TOP1MT: variants seen among roughly 807,000 people sequenced by gnomAD.
TOP1MT encodes the protein DNA topoisomerase I, mitochondrial.
In TOP1MT, 80 loss-of-function variants were observed where a neutral mutation model predicts 73.9. That is an observed-to-expected ratio of 1.08 (90% CI 0.90 to 1.30). TOP1MT has a LOEUF of 1.30. Among genes scored for constraint, TOP1MT ranks in the 50% most tolerant of loss-of-function variants. The pLI is 0.00. For synonymous variants in TOP1MT, 338 were observed against 326.4 expected, an observed-to-expected ratio of 1.04 and a Z score of -0.38; for missense variants, 815 against 808.0, an observed-to-expected ratio of 1.01 and a Z score of -0.10.
Position 143,325,550 on chromosome 8 carries a change from G to T in TOP1MT, c.484-17C>A, listed in dbSNP as rs761441238. On this transcript the variant is annotated splice_polypyrimidine_tract_variant and intron_variant, in intron 4 of 13. Coordinates refer to ENST00000329245, the MANE Select transcript of TOP1MT (RefSeq NM_052963.3). ...TTTTAGCTTCTGAGTTAATAAAACAGTCAGTGGACATTAGCAGTGAAGAGA... is the reference window on the plus strand; with the variant it reads ...TTTTAGCTTCTGAGTTAATAAAACATTCAGTGGACATTAGCAGTGAAGAGA... 6.3e-7 allele frequency: 1 copy of T among 1,599,840 alleles called. No homozygotes were observed. Among genetic ancestry groups the T allele is most frequent in the South Asian group, 1.1e-5 (1 of 90,774 alleles).
At chr8:143,339,552 T>C (rs558455287), upstream of TOP1MT, among the ~76,000 whole-genome samples, 4 of 149,628 alleles carry the variant, frequency 2.7e-5, no homozygotes, top group South Asian at 2.1e-4. Context: ...AACACTCACT[T>C]ACTGCTGGCT....
At chr8:143,339,507 G>T (rs1817037561), upstream of TOP1MT, among the ~76,000 whole-genome samples, 1 of 152,126 alleles carries the variant, frequency 6.6e-6, no homozygotes, top group South Asian at 2.1e-4. Context: ...CTACTTCATA[G>T]AGGACTGACC....
chr8:143,322,895 ACGCACGC>A (rs1816537636), intron 7 of TOP1MT, among the ~76,000 whole-genome samples: 4 of 117,288 alleles, frequency 3.4e-5, no homozygotes, highest in South Asian at 3.2e-4. Flanking sequence ...CGCACGCCAC[ACGCACGC>A]CACACACGCA....
rs140622943 is a variant in TOP1MT, at chr8:143,343,324, G to A, written c.-38-38C>T. Reference sequence around the variant, plus strand: ...TGTATACATAAACATGCAGCTCTGCGGCTCATTTAGGGTTGCCATTCTAAC... The same window carrying A: ...TGTATACATAAACATGCAGCTCTGCAGCTCATTTAGGGTTGCCATTCTAAC... On this transcript the variant is annotated intron_variant, in intron 1 of 5. Coordinates refer to the TOP1MT transcript ENST00000518007. The A allele has an allele frequency of 9.7e-3, 4,403 of 453,714 alleles. 44 individuals carry two copies. The highest frequency in any genetic ancestry group is 0.013 in the Non-Finnish European group (2,912 of 225,040). The allele number at this position is 453,714 out of a possible 1,614,324, so 28.1% of individuals were successfully genotyped here.
chr8:143,322,662 G>GCACGCCACA (rs1563759824), intron 7 of TOP1MT, among the ~76,000 whole-genome samples: 1 of 72,088 alleles, frequency 1.4e-5, no homozygotes, highest in Non-Finnish European at 2.5e-5. Context: ...CACCACACAC[G>GCACGCCACA]CACGCCACAC....
intron 8 of TOP1MT, among the ~76,000 whole-genome samples, chr8:143,318,578 C>T (rs1423029477): frequency 6.6e-6 from 1 of 152,208 alleles, no homozygotes; most frequent in Non-Finnish European, 1.5e-5. Context: ...TGCACCCATG[C>T]CTGCCCTCCC....
chr8:143,322,519 A>AACAAGCACGCCAC (rs1816480804), intron 7 of TOP1MT, among the ~76,000 whole-genome samples: 1 of 76,022 alleles, frequency 1.3e-5, no homozygotes, highest in African/African-American at 5.2e-5. Flanking sequence ...CACGCCACAC[A>AACAAGCACGCCAC]ACAGGCACGC....
At chr8:143,325,758 G>A (rs1816690364) in intron 4 of TOP1MT, among the ~76,000 whole-genome samples, 1 of 152,130 alleles carries the variant, frequency 6.6e-6, no homozygotes, top group South Asian at 2.1e-4. Flanking sequence ...GGACTCCCCG[G>A]CCCCTGCACA....
intron 1 of TOP1MT, among the ~76,000 whole-genome samples, chr8:143,354,064 G>C (rs2450754): frequency 6.8e-6 from 1 of 146,624 alleles, no homozygotes; most frequent in Non-Finnish European, 1.5e-5. Flanking sequence ...CTACATACCC[G>C]AAAGCACTGC....
chr8:143,336,154 GGTTTTT>G (rs776119899), upstream of TOP1MT, among the ~76,000 whole-genome samples: 3 of 152,194 alleles, frequency 2.0e-5, no homozygotes, highest in Non-Finnish European at 4.4e-5. Flanking sequence ...GGTTTCTAAG[GGTTTTT>G]GATTTTTTGT....
intron 4 of TOP1MT, 95 bp from the exon 5 acceptor site, chr8:143,325,628 T>C: frequency 8.3e-7 from 1 of 1,198,372 alleles, no homozygotes; most frequent in Non-Finnish European, 1.2e-6. Flanking sequence ...CTGCTCTGTC[T>C]GGCTAACTCA....
intron 1 of TOP1MT, among the ~76,000 whole-genome samples, chr8:143,350,821 A>G (rs556260685): frequency 6.6e-6 from 1 of 152,264 alleles, no homozygotes; most frequent in Non-Finnish European, 1.5e-5. Context: ...AATTTTTAGA[A>G]AACTTCCTAT....
intron 8 of TOP1MT, among the ~76,000 whole-genome samples, chr8:143,319,564 G>A (rs868834984): frequency 1.3e-4 from 19 of 151,372 alleles, no homozygotes; most frequent in Admixed American, 9.9e-4. Flanking sequence ...GACTCTTCAG[G>A]ACAGCCATTC....
At chr8:143,324,340 C>T (rs903517160) in intron 6 of TOP1MT, 145 bp downstream of exon 6, 268 of 1,375,472 alleles carry the variant, frequency 1.9e-4, no homozygotes, top group Non-Finnish European at 2.6e-4. Flanking sequence ...CTTGTGCCTG[C>T]TGGCACAGCA....
chr8:143,329,955 G>A (rs1816809498), intron 2 of TOP1MT, among the ~76,000 whole-genome samples: 1 of 152,116 alleles, frequency 6.6e-6, no homozygotes, highest in Non-Finnish European at 1.5e-5. Flanking sequence ...GGGGTGAGCT[G>A]GGAGCAGGCG....
chr8:143,322,599 AGGC>A (rs1816492404), intron 7 of TOP1MT, among the ~76,000 whole-genome samples: 5 of 105,778 alleles, frequency 4.7e-5, no homozygotes, highest in Middle Eastern at 6.4e-3. Context: ...ACACACATGC[AGGC>A]CACACACATG....
chr8:143,352,350 C>G (rs576847932), intron 1 of TOP1MT, among the ~76,000 whole-genome samples: 1 of 152,260 alleles, frequency 6.6e-6, no homozygotes, highest in South Asian at 2.1e-4. Context: ...ACGCAGAGAC[C>G]GGTGGGTTCA....
chr8:143,319,997 A>T (rs1027911816), intron 8 of TOP1MT, among the ~76,000 whole-genome samples: 1 of 151,692 alleles, frequency 6.6e-6, no homozygotes. Context: ...GGTGGCAGGC[A>T]CCTGTAATCC....
In TOP1MT at chr8:143,324,120, A is replaced by G. The variant is rs940604315; in HGVS notation, c.839T>C (p.Phe280Ser). The change falls in exon 7 of 14, where the codon TTT becomes TCT. Residue 280 changes from phenylalanine to serine, a missense_variant. Physicochemically the swap from Phe to Ser is radical, Grantham distance 155 (BLOSUM62 -2). Around this residue, in one of 3 missense-constraint regions of TOP1MT, gnomAD observed 751 missense variants for 725.4 expected, o/e 1.04. Coordinates refer to ENST00000329245, the MANE Select transcript of TOP1MT (RefSeq NM_052963.3). ...TCCCCGCAGGCGTCGAGCTGTTTCA[A>G]ACTTCTGCCAAGCTGTCTCCCCCTA... is the stretch of plus-strand genomic sequence containing the variant. ...KLKGETAWQK[F>S]ETARRLRGFV... The G allele has an allele frequency of 3.7e-6, 6 of 1,613,686 alleles. No individual in the cohort carries two copies. The highest frequency in any genetic ancestry group is 1.7e-5 in the Admixed American group (1 of 60,016).
Sources: allele counts gnomAD v4.1 joint callset (sites outside exome capture counted in the v4.1 genomes callset), GRCh38; gene constraint gnomAD v4.1.1; regional missense constraint gnomAD v4.1.1; transcripts MANE v1.5; gene names NCBI Gene and HGNC (gene_info 2026-07-23, HGNC 2026-07-21).